The following GSK3B variants were observed in gnomAD, a reference collection of about 807,000 sequenced individuals.
The protein encoded by GSK3B is glycogen synthase kinase 3 beta.
In GSK3B, 15 loss-of-function variants were observed where a neutral mutation model predicts 56.4. That is an observed-to-expected ratio of 0.27 (90% CI 0.18 to 0.41). The LOEUF is 0.41. GSK3B is among the 10% of genes least tolerant of loss of function. GSK3B has a pLI of 1.00. For missense variants in GSK3B, 300 were observed against 513.4 expected (o/e 0.58, Z 4.02); for synonymous variants, 181 against 188.9 (o/e 0.96, Z 0.34).
intron 9 of GSK3B, among the ~76,000 whole-genome samples, chr3:119,862,731 A>C (rs2056124488): frequency 1.4e-5 from 2 of 145,814 alleles, no homozygotes; most frequent in Non-Finnish European, 1.5e-5. Flanking sequence ...TAAGAAAGTC[A>C]CATCAGCAGA....
chr3:120,050,474 T>G (rs2058139671), intron 1 of GSK3B, among the ~76,000 whole-genome samples: 1 of 152,154 alleles, frequency 6.6e-6, no homozygotes, highest in Non-Finnish European at 1.5e-5. Context: ...TAAACTAAAG[T>G]GAAGGCTCTA....
Position 120,007,839 on chromosome 3 carries a change from TC to T in GSK3B, c.89-5601del, listed in dbSNP as rs2057742866. On this transcript the variant is annotated intron_variant, in intron 1 of 10. Transcript: ENST00000264235. Reference sequence around the variant, plus strand: ...CTGAATGGGCAAAAGCTGGAAGCATTCCCTTTGAAAACCGGCACAAGACAAA... The same window carrying T: ...CTGAATGGGCAAAAGCTGGAAGCATTCCTTTGAAAACCGGCACAAGACAAA... Among the ~76,000 whole-genome samples, 3 of 152,290 alleles carry T rather than the reference TC, an allele frequency of 2.0e-5. No homozygotes were observed. In the South Asian group the frequency reaches 6.2e-4, roughly 32 times the overall value.
intron 9 of GSK3B, among the ~76,000 whole-genome samples, chr3:119,862,904 G>A (rs1034685252): frequency 2.0e-5 from 3 of 152,078 alleles, no homozygotes; most frequent in African/African-American, 7.2e-5. Context: ...CAGCAATGGT[G>A]CCAGTCTCAG....
At chr3:120,088,999 C>A (rs1232900439) in intron 1 of GSK3B, among the ~76,000 whole-genome samples, 1 of 152,234 alleles carries the variant, frequency 6.6e-6, no homozygotes, top group Non-Finnish European at 1.5e-5. Context: ...TTAGACTCTG[C>A]TGCTGGAATA....
At chr3:119,829,253 T>C (rs2107995851) in intron 10 of GSK3B, among the ~76,000 whole-genome samples, 1 of 152,218 alleles carries the variant, frequency 6.6e-6, no homozygotes, top group South Asian at 2.1e-4. Context: ...ATGCACAGGC[T>C]GCATTAAAAA....
At chr3:119,872,228 A>G (rs1286687217) in intron 8 of GSK3B, among the ~76,000 whole-genome samples, 1 of 152,156 alleles carries the variant, frequency 6.6e-6, no homozygotes, top group Non-Finnish European at 1.5e-5. Flanking sequence ...GCCTGGGTTC[A>G]AGAACTAGAT....
chr3:119,925,973 C>T (rs1486987348), intron 3 of GSK3B, among the ~76,000 whole-genome samples: 4 of 152,162 alleles, frequency 2.6e-5, no homozygotes, highest in Non-Finnish European at 5.9e-5. Flanking sequence ...CATTGAAGCA[C>T]CTTCTTCACT....
chr3:120,005,758 C>G (rs1374646446), intron 1 of GSK3B, among the ~76,000 whole-genome samples: 2 of 152,166 alleles, frequency 1.3e-5, no homozygotes, highest in Non-Finnish European at 2.9e-5. Context: ...GCCTGCCTTA[C>G]AAGAGCTCCT....
chr3:119,969,249 G>A (rs573404676), intron 2 of GSK3B, among the ~76,000 whole-genome samples: 78 of 150,212 alleles, frequency 5.2e-4, no homozygotes, highest in African/African-American at 1.9e-3. Context: ...CCGAGATTGC[G>A]CCAACGTACT....
intron 2 of GSK3B, among the ~76,000 whole-genome samples, chr3:119,996,251 A>T (rs2057616547): frequency 6.6e-6 from 1 of 152,222 alleles, no homozygotes; most frequent in Admixed American, 6.5e-5. Context: ...GTTATTCTTA[A>T]ACCACTGTCT....
chr3:120,003,588 T>C (rs1000682538), intron 1 of GSK3B, among the ~76,000 whole-genome samples: 1 of 152,200 alleles, frequency 6.6e-6, no homozygotes, highest in Non-Finnish European at 1.5e-5. Flanking sequence ...AAAAGTAATA[T>C]AATATTTATG....
chr3:120,018,424 A>G (rs1012758458), intron 1 of GSK3B, among the ~76,000 whole-genome samples: 2 of 152,178 alleles, frequency 1.3e-5, no homozygotes, highest in Non-Finnish European at 2.9e-5. Context: ...TTGAATATGC[A>G]AAGATTTTGA....
chr3:120,038,126 G>A (rs1019154808), intron 1 of GSK3B, among the ~76,000 whole-genome samples: 7 of 152,078 alleles, frequency 4.6e-5, no homozygotes, highest in African/African-American at 1.2e-4. Context: ...TAGCAAATTC[G>A]GAATTTATCC....
intron 7 of GSK3B, among the ~76,000 whole-genome samples, chr3:119,884,316 G>A (rs1354321257): frequency 1.3e-5 from 2 of 152,130 alleles, no homozygotes; most frequent in Non-Finnish European, 2.9e-5. Context: ...CTGAGGTCAC[G>A]GGAAGAGCAA....
intron 4 of GSK3B, 84 bp downstream of exon 4, chr3:119,923,289 T>C: frequency 1.4e-6 from 1 of 692,092 alleles, no homozygotes; most frequent in Non-Finnish European, 2.5e-6. Flanking sequence ...TTAAATACAA[T>C]AATATAGTTA....
chr3:119,963,156 T>C (rs1026755763), intron 2 of GSK3B, among the ~76,000 whole-genome samples: 3 of 152,170 alleles, frequency 2.0e-5, no homozygotes, highest in African/African-American at 7.2e-5. Context: ...GAAAGACTTG[T>C]ACACTAAAAA....
At chr3:119,852,352 A>ATTT (rs60941551) in intron 9 of GSK3B, among the ~76,000 whole-genome samples, 4 of 145,388 alleles carry the variant, frequency 2.8e-5, no homozygotes, top group African/African-American at 7.5e-5. Flanking sequence ...TCAGAACTCT[A>ATTT]TTTTTTTTTT....
At chr3:120,007,331 A>G (rs2057738553) in intron 1 of GSK3B, among the ~76,000 whole-genome samples, 2 of 152,214 alleles carry the variant, frequency 1.3e-5, no homozygotes, top group South Asian at 2.1e-4. Flanking sequence ...TACCAGAGGT[A>G]CAAAGAGGAG....
chr3:119,869,239 A>AAAAAC (rs2056223226), intron 8 of GSK3B, among the ~76,000 whole-genome samples: 3 of 150,570 alleles, frequency 2.0e-5, no homozygotes, highest in Non-Finnish European at 3.0e-5. Flanking sequence ...AAAAAAAAAA[A>AAAAAC]AAAAAAACAT....
Sources: gnomAD v4.1 joint callset for allele counts (sites outside exome capture counted in the v4.1 genomes callset) on GRCh38, gnomAD v4.1.1 for gene constraint, MANE v1.5 for transcripts, NCBI Gene and HGNC (gene_info 2026-07-23, HGNC 2026-07-21) for gene names.